Variants in CEP192 observed in about 807,000 individuals in gnomAD.
CEP192 encodes centrosomal protein 192, also known as centrosomal protein of 192 kDa.
In CEP192, 151 loss-of-function variants were observed where a neutral mutation model predicts 271.8. That is an observed-to-expected ratio of 0.56 (90% CI 0.49 to 0.64). CEP192 has a LOEUF of 0.64. Among genes scored for constraint, CEP192 ranks in the 30% least tolerant of loss-of-function variants. The probability of loss-of-function intolerance (pLI) is 0.00; values close to 1 mark genes in which losing one functional copy is unlikely to be tolerated. For synonymous variants in CEP192, 995 were observed against 1,076.5 expected (o/e 0.92, Z 1.48); for missense variants, 2,910 against 3,020.5 (o/e 0.96, Z 0.86).
chr18:13,081,028 G>A (rs1310950473), intron 30 of CEP192, among the ~76,000 whole-genome samples: 4 of 152,180 alleles, frequency 2.6e-5, no homozygotes, highest in Admixed American at 2.0e-4. Context: ...TGTGCTGCTG[G>A]ATTTGGTTTG....
intron 17 of CEP192, among the ~76,000 whole-genome samples, chr18:13,051,671 G>A (rs766613198): frequency 6.6e-6 from 1 of 152,110 alleles, no homozygotes; most frequent in Non-Finnish European, 1.5e-5. Flanking sequence ...ATCCTCCCGA[G>A]TAGCTGGGAC....
At chr18:13,088,562 T>TAA (rs1454842993) in intron 32 of CEP192, among the ~76,000 whole-genome samples, 1 of 152,254 alleles carries the variant, frequency 6.6e-6, no homozygotes, top group South Asian at 2.1e-4. Flanking sequence ...TCTCTTATTG[T>TAA]AAAGTGTAGC....
intron 9 of CEP192, among the ~76,000 whole-genome samples, chr18:13,021,419 T>A (rs2034987889): frequency 6.6e-6 from 1 of 152,192 alleles, no homozygotes. Flanking sequence ...AGAAATCAAT[T>A]TATCATGTAT....
chr18:13,008,333 T>C (rs2145865631), intron 3 of CEP192, 123 bp from the exon 4 acceptor site: 1 of 701,864 alleles, frequency 1.4e-6, no homozygotes, highest in East Asian at 2.7e-5. Flanking sequence ...ACTCAAATGT[T>C]TCTTTTTATT....
intron 13 of CEP192, 131 bp from the exon 14 acceptor site, chr18:13,040,699 A>G: frequency 1.6e-6 from 1 of 624,946 alleles, no homozygotes. Context: ...ATCTCTAGTA[A>G]TTTGAGGTTA....
At chr18:13,087,436 G>A (rs988585692) in intron 31 of CEP192, 95 bp from the exon 32 acceptor site, 1 of 912,272 alleles carries the variant, frequency 1.1e-6, no homozygotes, top group African/African-American at 1.7e-5. Context: ...ACTTGTGTCT[G>A]TGTCGAATTT....
chr18:13,050,007 T>G, intron 17 of CEP192, 116 bp downstream of exon 17: 1 of 806,398 alleles, frequency 1.2e-6, no homozygotes, highest in Non-Finnish European at 1.9e-6. Context: ...AGGTAACTCT[T>G]GTAAGCTGTG....
rs201937682 is a variant in CEP192 at position 13,116,472 on chromosome 18, A to G, written c.7385A>G (p.Asn2462Ser). ...SVGESRTLKV[N>S]LRNNSFITHS... Reference sequence around the variant, plus strand: ...GGGGAATCACGGACACTTAAAGTCAATCTGCGAAATAATTCTTTTATTACA... The same window carrying G: ...GGGGAATCACGGACACTTAAAGTCAGTCTGCGAAATAATTCTTTTATTACA... Residue 2462 changes from asparagine (N) to serine (S), a missense_variant, in exon 43 of 45, where the codon AAT becomes AGT. Asn to Ser is a conservative substitution (Grantham distance 46). Coordinates refer to ENST00000506447, the MANE Select transcript of CEP192 (RefSeq NM_032142.4). 135 of 1,609,156 alleles carry G rather than the reference A, an allele frequency of 8.4e-5. No homozygotes were observed. The African/African-American group carries it at 1.4e-3, about 17-fold the overall frequency.
intron 15 of CEP192, 57 bp downstream of exon 15, chr18:13,042,391 G>A: frequency 1.3e-6 from 2 of 1,560,828 alleles, no homozygotes; most frequent in East Asian, 2.3e-5. Flanking sequence ...TTCTTATCTA[G>A]GATCAAGACG....
intron 43 of CEP192, among the ~76,000 whole-genome samples, chr18:13,117,228 C>T (rs1368475508): frequency 6.6e-6 from 1 of 152,098 alleles, no homozygotes; most frequent in African/African-American, 2.4e-5. Context: ...CTGCCCCCAT[C>T]CGCCCAGAAA....
At chr18:13,080,988 C>T (rs1482104412) in intron 30 of CEP192, among the ~76,000 whole-genome samples, 9 of 152,118 alleles carry the variant, frequency 5.9e-5, no homozygotes, top group Non-Finnish European at 1.2e-4. Context: ...GGGATGAAGC[C>T]AACTTGATCA....
At chr18:13,034,096 C>T (rs1413465932) in intron 11 of CEP192, among the ~76,000 whole-genome samples, 1 of 151,994 alleles carries the variant, frequency 6.6e-6, no homozygotes, top group Non-Finnish European at 1.5e-5. Context: ...CATAAATACA[C>T]CTTTTAAATT....
At chr18:13,080,954 A>G (rs2038570614) in intron 30 of CEP192, among the ~76,000 whole-genome samples, 1 of 152,190 alleles carries the variant, frequency 6.6e-6, no homozygotes, top group Admixed American at 6.5e-5. Context: ...TGATTTGCAT[A>G]TGTTGAACCA....
At chr18:13,121,131 A>G (rs1248145526) in intron 44 of CEP192, among the ~76,000 whole-genome samples, 5 of 152,234 alleles carry the variant, frequency 3.3e-5, no homozygotes, top group East Asian at 3.8e-4. Flanking sequence ...TTCACAATAC[A>G]TAATTGCCAG....
chr18:13,003,191 G>A (rs1396266602), intron 3 of CEP192, among the ~76,000 whole-genome samples: 5 of 152,132 alleles, frequency 3.3e-5, no homozygotes, highest in African/African-American at 1.2e-4. Context: ...GCTCTTGCCT[G>A]TAATCCCAAC....
At chr18:13,080,911 G>A (rs567653891) in intron 30 of CEP192, among the ~76,000 whole-genome samples, 50 of 152,128 alleles carry the variant, frequency 3.3e-4, no homozygotes, top group East Asian at 1.9e-3. Flanking sequence ...GATTTTTGTC[G>A]TTGGTTCTGT....
chr18:13,088,589 C>T (rs1380142252), intron 32 of CEP192, among the ~76,000 whole-genome samples: 2 of 152,092 alleles, frequency 1.3e-5, no homozygotes, highest in African/African-American at 4.8e-5. Flanking sequence ...GATTAAAGGA[C>T]CTAAACATAG....
Position 13,067,886 on chromosome 18 carries a change from G to A in CEP192, c.4544G>A (p.Trp1515Ter). 6.2e-7 allele frequency: 1 copy of A among 1,612,720 alleles called. No homozygotes were observed. The highest frequency in any genetic ancestry group is 2.2e-5 in the East Asian group (1 of 44,850). The change falls in exon 22 of 45, where the codon TGG (tryptophan) becomes TAG (stop). Residue 1515 changes from tryptophan to a stop codon, truncating the protein, a stop_gained. Transcript: ENST00000506447. LOFTEE classifies it high-confidence loss of function. The stretch of plus-strand genomic sequence containing the variant: ...TTTGGTGACTTGACTTATGGAGGCT[G>A]GAAAGCCCTCCCACTAAAATTGATA... ...LDFGDLTYGG[W>*]KALPLKLINR...
Position 12,999,492 on chromosome 18 carries a change from A to G in CEP192, c.68A>G (p.Asn23Ser), listed in dbSNP as rs2033471813. The change falls in exon 2 of 45, where the codon AAC becomes AGC. Residue 23 changes from asparagine to serine, a missense_variant. Physicochemically the swap from Asn to Ser is conservative, Grantham distance 46. Transcript: ENST00000506447. ...PSFLTNSLFGNSGILENVTLS... is the reference protein window; with the variant it reads ...PSFLTNSLFGSSGILENVTLS... ...TTTCTCACCAATTCATTATTTGGTA[A>G]CAGTGGGATTTTGGAAAATGTCACT... 1 of 1,550,628 alleles carries G rather than the reference A, an allele frequency of 6.4e-7. No individual in the cohort carries two copies. The highest frequency in any genetic ancestry group is 8.7e-7 in the Non-Finnish European group (1 of 1,146,644).
Sources: allele counts gnomAD v4.1 joint callset (sites outside exome capture counted in the v4.1 genomes callset), GRCh38; gene constraint gnomAD v4.1.1; transcripts MANE v1.5; gene names NCBI Gene and HGNC (gene_info 2026-07-23, HGNC 2026-07-21).